PFKP: variants seen among roughly 807,000 people sequenced by gnomAD.
PFKP encodes the protein ATP-dependent 6-phosphofructokinase, platelet type.
A neutral mutation model predicts 94.3 loss-of-function variants in PFKP; 101 were observed. The observed-to-expected ratio is 1.07, with a 90% CI of 0.91 to 1.26. The LOEUF (loss-of-function observed/expected upper bound fraction) is 1.26. Among genes scored for constraint, PFKP ranks in the 50% most tolerant of loss-of-function variants. The pLI is 0.00. For missense variants in PFKP, 1,145 were observed against 1,103.3 expected (o/e 1.04, Z -0.53); for synonymous variants, 573 against 432.6 (o/e 1.32, Z -4.03).
chr10:3,136,779 TTA>T lies in PFKP; in HGVS notation c.*201_*202del. ...CAGATGTGCATATGAGCAGAATTAA[TTA>T]AACATTTGCCTATGACTCCAACAGT... On this transcript the variant is annotated 3_prime_UTR_variant, in exon 22 of 22. Transcript: ENST00000381125. 1 of 480,230 alleles carries T rather than the reference TTA, an allele frequency of 2.1e-6. No homozygotes were observed. The highest frequency in any genetic ancestry group is 3.7e-6 in the Non-Finnish European group (1 of 271,938). The allele number at this position is 480,230 out of a possible 1,614,324, so 29.7% of individuals were successfully genotyped here. A position where few individuals can be genotyped will look rare whatever the true frequency, so the allele number is the denominator to read the frequency against.
At chr10:3,110,141 A>G (rs896523119) in intron 10 of PFKP, among the ~76,000 whole-genome samples, 1 of 152,216 alleles carries the variant, frequency 6.6e-6, no homozygotes, top group East Asian at 1.9e-4. Flanking sequence ...CCAGCTTTTC[A>G]GGCATTGGTT....
At chr10:3,070,094 G>A (rs866895105) in intron 1 of PFKP, among the ~76,000 whole-genome samples, 2 of 151,976 alleles carry the variant, frequency 1.3e-5, no homozygotes, top group South Asian at 4.2e-4. Flanking sequence ...GTCACACCTG[G>A]GCTGTCCCTG....
At chr10:3,078,228 G>T (rs190239852) in intron 1 of PFKP, among the ~76,000 whole-genome samples, 2 of 152,216 alleles carry the variant, frequency 1.3e-5, no homozygotes, top group Admixed American at 6.5e-5. Flanking sequence ...CACGTTGCGG[G>T]CTGTGAAAGC....
chr10:3,067,747 G>A (rs905276035), intron 1 of PFKP, 40 bp downstream of exon 1: 1 of 1,160,402 alleles, frequency 8.6e-7, no homozygotes, highest in Non-Finnish European at 1.2e-6. Flanking sequence ...GGGACGGACG[G>A]ACGGAGCTGG....
chr10:3,125,607 C>T (rs542468202), intron 16 of PFKP, among the ~76,000 whole-genome samples: 8 of 151,494 alleles, frequency 5.3e-5, no homozygotes, highest in South Asian at 2.1e-4. Flanking sequence ...TGTAAATGCC[C>T]GGTAAGTACG....
intron 16 of PFKP, among the ~76,000 whole-genome samples, chr10:3,127,320 C>G (rs1037881296): frequency 1.3e-5 from 2 of 152,254 alleles, no homozygotes; most frequent in African/African-American, 2.4e-5. Context: ...CTGGGGCAGC[C>G]TGGCGGGACC....
chr10:3,071,427 G>GTTTTTTTTTTT (rs569603765), intron 1 of PFKP, among the ~76,000 whole-genome samples: 98 of 92,400 alleles, frequency 1.1e-3, no homozygotes, highest in Middle Eastern at 5.9e-3. Flanking sequence ...GTCTCAGGCT[G>GTTTTTTTTTTT]TTTTTTTTTT....
chr10:3,132,543 C>A, intron 18 of PFKP, 102 bp downstream of exon 18: 2 of 809,222 alleles, frequency 2.5e-6, no homozygotes, highest in Non-Finnish European at 4.3e-6. Flanking sequence ...ATTTCTTTGC[C>A]GCTAGAGTGC....
rs764496691 is a variant in PFKP, at chr10:3,107,288, C to T, written c.849C>T (p.Ile283=). The change falls in exon 8 of 22, where the codon ATC becomes ATT. Residue 283 remains isoleucine (I), a synonymous_variant. Coordinates refer to ENST00000381125, the MANE Select transcript of PFKP (RefSeq NM_002627.5). ...CAATTGATACCCAAAATAAACCCAT[C>T]ACCTCTGAGAAAATCAAAGAGGTGA... ...EGAIDTQNKP[I]TSEKIKELVV... 9.3e-6 allele frequency: 15 copies of T among 1,607,630 alleles called. No homozygotes were observed. In the East Asian group the frequency reaches 1.8e-4, roughly 19 times the overall value.
At chr10:3,078,812 G>A (rs556609757) in intron 1 of PFKP, among the ~76,000 whole-genome samples, 21 of 152,262 alleles carry the variant, frequency 1.4e-4, no homozygotes, top group South Asian at 1.0e-3. Context: ...AGCAAGGGAC[G>A]TCCTACTGGG....
intron 2 of PFKP, among the ~76,000 whole-genome samples, chr10:3,096,172 A>G (rs895541615): frequency 1.3e-5 from 2 of 152,202 alleles, no homozygotes; most frequent in African/African-American, 2.4e-5. Flanking sequence ...ACTATGGCAT[A>G]TTAACTAGTA....
At chr10:3,096,132 C>A (rs1232754326) in intron 2 of PFKP, among the ~76,000 whole-genome samples, 1 of 152,204 alleles carries the variant, frequency 6.6e-6, no homozygotes, top group African/African-American at 2.4e-5. Flanking sequence ...TCTGTGAACT[C>A]ATGCAGGGAA....
intron 18 of PFKP, among the ~76,000 whole-genome samples, chr10:3,132,827 C>T (rs912916240): frequency 3.3e-5 from 5 of 152,078 alleles, no homozygotes; most frequent in African/African-American, 1.2e-4. Context: ...ATCTGATAAC[C>T]AAGGTGGCTA....
chr10:3,102,018 G>T (rs1052420079), intron 4 of PFKP, among the ~76,000 whole-genome samples: 1 of 150,618 alleles, frequency 6.6e-6, no homozygotes, highest in Admixed American at 6.6e-5. Flanking sequence ...TTGGGAGGCC[G>T]AGGCGGGCGG....
intron 2 of PFKP, among the ~76,000 whole-genome samples, chr10:3,096,152 T>TA (rs1834460140): frequency 3.3e-5 from 5 of 152,312 alleles, no homozygotes; most frequent in African/African-American, 9.6e-5. Flanking sequence ...AAGGAAATTG[T>TA]ATGGTTCCCA....
intron 21 of PFKP, among the ~76,000 whole-genome samples, chr10:3,136,245 C>G (rs1257541283): frequency 6.6e-6 from 1 of 152,166 alleles, no homozygotes; most frequent in Non-Finnish European, 1.5e-5. Context: ...AGCCTGGCGA[C>G]AGAGCGAGAC....
intron 10 of PFKP, 71 bp downstream of exon 10, chr10:3,109,551 T>G (rs1835959782): frequency 6.4e-7 from 1 of 1,553,622 alleles, no homozygotes; most frequent in Admixed American, 1.8e-5. Context: ...CAGGCCAGCC[T>G]GGGCACCTTG....
intron 1 of PFKP, chr10:3,068,770 A>G: frequency 1.2e-6 from 1 of 846,778 alleles, no homozygotes; most frequent in Non-Finnish European, 1.4e-6. Flanking sequence ...AGGCGAACGC[A>G]ACCTGGGAGC....
In PFKP at chr10:3,119,944, T is replaced by C. The variant is rs1278229467; in HGVS notation, c.1583T>C (p.Phe528Ser). 8.1e-6 allele frequency: 13 copies of C among 1,614,122 alleles called. No individual in the cohort carries two copies. The highest frequency in any genetic ancestry group is 1.1e-5 in the Non-Finnish European group (13 of 1,180,000). Reference sequence around the variant, plus strand: ...GCCGCCCGGGAGAAGCACGAGGAGTTCTGTGTCCCCATGGTCATGGTTCCC... The same window carrying C: ...GCCGCCCGGGAGAAGCACGAGGAGTCCTGTGTCCCCATGGTCATGGTTCCC... ...LSAAREKHEEFCVPMVMVPAT... is the reference protein window; with the variant it reads ...LSAAREKHEESCVPMVMVPAT... The change falls in exon 16 of 22, where the codon TTC becomes TCC. Residue 528 changes from phenylalanine (F) to serine (S), a missense_variant. By Grantham distance (155) the Phe-to-Ser change is radical. Coordinates refer to ENST00000381125, the MANE Select transcript of PFKP (RefSeq NM_002627.5).
Sources: gnomAD v4.1 joint callset for allele counts (sites outside exome capture counted in the v4.1 genomes callset) on GRCh38, gnomAD v4.1.1 for gene constraint, MANE v1.5 for transcripts, NCBI Gene and HGNC (gene_info 2026-07-23, HGNC 2026-07-21) for gene names.